Variants in ARSB observed in about 807,000 individuals in gnomAD.
ARSB encodes the protein N-acetylgalactosamine-4-sulfatase.
A neutral mutation model predicts 50.9 loss-of-function variants in ARSB; 41 were observed. The observed-to-expected ratio is 0.81, with a 90% CI of 0.63 to 1.04. The LOEUF is 1.04. Ranked by LOEUF, ARSB falls within the 50% of genes least tolerant of loss-of-function variation. The pLI is 0.00. For synonymous variants in ARSB, 269 were observed against 284.8 expected, an observed-to-expected ratio of 0.94 and a Z score of 0.56; for missense variants, 672 against 693.3, an observed-to-expected ratio of 0.97 and a Z score of 0.35.
intron 6 of ARSB, among the ~76,000 whole-genome samples, chr5:78,785,973 A>AT (rs902897307): frequency 6.6e-6 from 1 of 152,218 alleles, no homozygotes. Flanking sequence ...ATTTAAATAT[A>AT]TTTTTTAAAG....
intron 5 of ARSB, among the ~76,000 whole-genome samples, chr5:78,865,220 A>G (rs1484599360): frequency 4.6e-5 from 7 of 152,194 alleles, no homozygotes; most frequent in African/African-American, 2.4e-5. Context: ...GCATCCAGGC[A>G]TTTCCACACA....
intron 4 of ARSB, among the ~76,000 whole-genome samples, chr5:78,923,745 C>T (rs1270597928): frequency 2.0e-5 from 3 of 152,210 alleles, no homozygotes; most frequent in African/African-American, 7.2e-5. Context: ...TTAGCTCCTG[C>T]TTGCCCCAAT....
rs1186550623 is a variant in ARSB, at chr5:78,937,286, TATATATATGTAAGATATATATATC to T, written c.898+17985_898+18008del. On this transcript the variant is annotated intron_variant, in intron 4 of 7. Coordinates refer to ENST00000264914, the MANE Select transcript of ARSB (RefSeq NM_000046.5). ...ATATATCTTACATATATATGTAAGA[TATATATATGTAAGATATATATATC>T]ATATATATGTAAGATATATATATGT... Among the ~76,000 whole-genome samples the T allele has an allele frequency of 2.0e-4, 21 of 103,536 alleles. 1 individual carries two copies. Among genetic ancestry groups the T allele is most frequent in the Middle Eastern group, 5.6e-3 (1 of 180 alleles). The allele number at this position is 103,536 out of a possible 152,430, so 67.9% of individuals were successfully genotyped here. A position where few individuals can be genotyped will look rare whatever the true frequency, so the allele number is the denominator to read the frequency against.
chr5:78,821,286 C>T (rs954652106), intron 6 of ARSB, among the ~76,000 whole-genome samples: 1 of 152,132 alleles, frequency 6.6e-6, no homozygotes, highest in Non-Finnish European at 1.5e-5. Context: ...CAGGCATCCA[C>T]CAGCACGCCC....
intron 6 of ARSB, among the ~76,000 whole-genome samples, chr5:78,829,413 C>A (rs1744575929): frequency 6.6e-6 from 1 of 152,090 alleles, no homozygotes; most frequent in Admixed American, 6.5e-5. Context: ...CTAATCACTC[C>A]CAAATGCTGT....
chr5:78,791,534 C>T (rs577581065), intron 6 of ARSB, among the ~76,000 whole-genome samples: 22 of 152,318 alleles, frequency 1.4e-4, no homozygotes, highest in Non-Finnish European at 2.5e-4. Flanking sequence ...GTGAGTCCCC[C>T]TCCCAGATCA....
intron 5 of ARSB, among the ~76,000 whole-genome samples, chr5:78,874,048 G>C (rs181769245): frequency 1.3e-5 from 2 of 152,252 alleles, no homozygotes; most frequent in African/African-American, 2.4e-5. Context: ...CAGTAACATA[G>C]AAAACAAGCA....
rs142347653 is a variant in ARSB at position 78,812,810 on chromosome 5, T to C, written c.1213+26546A>G. ...GAGTTCAAGACCAGCCTGGGTAACA[T>C]GGCGAAACCCTGTCTCTACAAAATA... On this transcript the variant is annotated intron_variant, in intron 6 of 7. Coordinates refer to ENST00000264914, the MANE Select transcript of ARSB (RefSeq NM_000046.5). 4.3e-3 allele frequency among the ~76,000 whole-genome samples: 659 copies of C among 151,952 alleles called. 3 individuals carry two copies. Among genetic ancestry groups the C allele is most frequent in the East Asian group, 0.015 (78 of 5,116 alleles).
intron 5 of ARSB, among the ~76,000 whole-genome samples, chr5:78,874,868 G>GGAGGCT (rs1581078945): frequency 6.6e-6 from 1 of 152,148 alleles, no homozygotes; most frequent in African/African-American, 2.4e-5. Flanking sequence ...CAGCGCTTTG[G>GGAGGCT]GAGGCTGAGG....
At chr5:78,954,151 A>T (rs1354502832) in intron 4 of ARSB, among the ~76,000 whole-genome samples, 1 of 152,148 alleles carries the variant, frequency 6.6e-6, no homozygotes, top group East Asian at 1.9e-4. Flanking sequence ...GTGACCAAAT[A>T]ATAGGAGTTC....
chr5:78,835,828 C>T (rs1744927388), intron 6 of ARSB, among the ~76,000 whole-genome samples: 1 of 152,202 alleles, frequency 6.6e-6, no homozygotes, highest in South Asian at 2.1e-4. Flanking sequence ...GGTGAGGAAA[C>T]TGACGAAGTG....
chr5:78,920,828 C>A (rs1290757076), intron 4 of ARSB, among the ~76,000 whole-genome samples: 1 of 152,184 alleles, frequency 6.6e-6, no homozygotes. Context: ...GCTTCCTCTG[C>A]AGCCTTGTTG....
intron 3 of ARSB, among the ~76,000 whole-genome samples, chr5:78,960,383 T>C (rs1274912413): frequency 6.6e-6 from 1 of 152,108 alleles, no homozygotes; most frequent in African/African-American, 2.4e-5. Context: ...AAAAAAAGCA[T>C]ATGATAGGTT....
intron 5 of ARSB, 44 bp downstream of exon 5, chr5:78,885,537 CTCT>C (rs1561482132): frequency 1.2e-6 from 2 of 1,605,728 alleles, no homozygotes; most frequent in African/African-American, 2.7e-5. Context: ...AGTCAGGCTG[CTCT>C]TGGAGTTTCT....
At chr5:78,818,150 T>C (rs141986808) in intron 6 of ARSB, among the ~76,000 whole-genome samples, 1 of 151,866 alleles carries the variant, frequency 6.6e-6, no homozygotes, top group East Asian at 2.0e-4. Flanking sequence ...TCCGTCCCCC[T>C]GTGCCGCCCC....
intron 5 of ARSB, among the ~76,000 whole-genome samples, chr5:78,874,663 T>C (rs1482734948): frequency 6.6e-6 from 1 of 152,068 alleles, no homozygotes; most frequent in Non-Finnish European, 1.5e-5. Flanking sequence ...AAAATATTTA[T>C]AAATATGTAT....
At chr5:78,837,926 C>G (rs564427225) in intron 6 of ARSB, among the ~76,000 whole-genome samples, 20 of 152,196 alleles carry the variant, frequency 1.3e-4, no homozygotes, top group Non-Finnish European at 2.2e-4. Context: ...AGAAATTTCT[C>G]CACGATGTAG....
intron 5 of ARSB, among the ~76,000 whole-genome samples, chr5:78,865,186 C>T (rs1746659778): frequency 1.3e-5 from 2 of 152,248 alleles, no homozygotes; most frequent in African/African-American, 2.4e-5. Flanking sequence ...GAGTATCCCA[C>T]CCCTGCAGCA....
chr5:78,831,103 C>T lies in ARSB; in HGVS notation c.1213+8253G>A, dbSNP rs551807913. Among the ~76,000 whole-genome samples the T allele has an allele frequency of 3.6e-3, 553 of 152,248 alleles. 2 individuals are homozygous for T. Among genetic ancestry groups the T allele is most frequent in the Non-Finnish European group, 6.2e-3 (425 of 68,020 alleles). On this transcript the variant is annotated intron_variant, in intron 6 of 7. Coordinates refer to ENST00000264914, the MANE Select transcript of ARSB (RefSeq NM_000046.5). Reference sequence around the variant, plus strand: ...TGCAACTTTCCCACCCTGCCCCAATCGTAGCAGCCAGAATGTAATTGTTGT... The same window carrying T: ...TGCAACTTTCCCACCCTGCCCCAATTGTAGCAGCCAGAATGTAATTGTTGT...
Sources: allele counts gnomAD v4.1 joint callset (sites outside exome capture counted in the v4.1 genomes callset), GRCh38; gene constraint gnomAD v4.1.1; transcripts MANE v1.5; gene names NCBI Gene and HGNC (gene_info 2026-07-23, HGNC 2026-07-21).